The following AFF3 variants were observed in gnomAD, a reference collection of about 807,000 sequenced individuals.
AFF3 encodes ALF transcription elongation factor 3, also known as AF4/FMR2 family member 3.
AFF3 carries 32 observed loss-of-function variants against 129.7 expected under a neutral mutation model. The observed-to-expected ratio is 0.25, with a 90% CI of 0.19 to 0.33. The LOEUF (loss-of-function observed/expected upper bound fraction) is 0.33, where lower values mean the gene tolerates loss of function less well. AFF3 is among the 10% of genes least tolerant of loss of function. The pLI is 1.00. For missense variants in AFF3, 1,373 were observed against 1,592.0 expected (o/e 0.86, Z 2.34); for synonymous variants, 644 against 635.4 (o/e 1.01, Z -0.20).
chr2:100,003,336 T>C (rs1428415891), intron 7 of AFF3, among the ~76,000 whole-genome samples: 1 of 152,110 alleles, frequency 6.6e-6, no homozygotes, highest in Non-Finnish European at 1.5e-5. Context: ...GAACAAAAAA[T>C]AATTCACTTC....
intron 10 of AFF3, among the ~76,000 whole-genome samples, chr2:99,738,869 T>C (rs1263081038): frequency 6.6e-6 from 1 of 152,114 alleles, no homozygotes; most frequent in Non-Finnish European, 1.5e-5. Flanking sequence ...TTTAGGTGTA[T>C]AGAATTTTTG....
At chr2:99,896,699 G>A (rs900741214) in intron 7 of AFF3, among the ~76,000 whole-genome samples, 27 of 121,858 alleles carry the variant, frequency 2.2e-4, no homozygotes, top group Admixed American at 6.5e-4. Flanking sequence ...GCCGTGGCAC[G>A]ATCTCGGCTC....
chr2:100,106,455 ATCTG>A, intron 2 of AFF3: 1 of 1,023,822 alleles, frequency 9.8e-7, no homozygotes, highest in South Asian at 3.7e-5. Flanking sequence ...GAAAAAGAAA[ATCTG>A]TCTTTCTAAT....
chr2:99,973,689 G>GT (rs1201000717), intron 7 of AFF3, among the ~76,000 whole-genome samples: 8 of 149,790 alleles, frequency 5.3e-5, no homozygotes, highest in East Asian at 3.9e-4. Context: ...ACCATCTTCA[G>GT]TTTTTTTTTC....
In AFF3 at chr2:100,084,338, T is replaced by G. The variant is rs1573378447; in HGVS notation, c.53+20064A>C. 2.6e-5 allele frequency among the ~76,000 whole-genome samples: 4 copies of G among 152,360 alleles called. 1 individual carries two copies. Reference sequence around the variant, plus strand: ...ATATTAGCTCATTTAATCCTCACATTAATCCTTTGAGGTACGTATTATTCT... The same window carrying G: ...ATATTAGCTCATTTAATCCTCACATGAATCCTTTGAGGTACGTATTATTCT... On this transcript the variant is annotated intron_variant, in intron 4 of 24. Coordinates refer to ENST00000672756, the MANE Select transcript of AFF3 (RefSeq NM_001386135.1).
chr2:99,853,563 G>A (rs1030728521), intron 7 of AFF3, among the ~76,000 whole-genome samples: 1 of 152,118 alleles, frequency 6.6e-6, no homozygotes, highest in Non-Finnish European at 1.5e-5. Context: ...TAATTTTCCA[G>A]GCACTCTGCT....
chr2:99,930,318 C>A (rs1696584079), intron 7 of AFF3, among the ~76,000 whole-genome samples: 1 of 152,138 alleles, frequency 6.6e-6, no homozygotes, highest in Admixed American at 6.5e-5. Flanking sequence ...CCCTGAAATG[C>A]CTGCCTCATG....
intron 7 of AFF3, among the ~76,000 whole-genome samples, chr2:99,936,670 G>A (rs1441069328): frequency 6.6e-6 from 1 of 152,194 alleles, no homozygotes; most frequent in African/African-American, 2.4e-5. Flanking sequence ...GCAGGAGGGT[G>A]CATTCATTTT....
At position 99,565,585 on chromosome 2, in the gene AFF3, T is replaced by C. The variant is rs1356939844; in HGVS notation, c.3021A>G (p.Ala1007=). The change falls in exon 20 of 25, where the codon GCA becomes GCG. Residue 1007 remains alanine (A), a synonymous_variant. Coordinates refer to ENST00000672756, the MANE Select transcript of AFF3 (RefSeq NM_001386135.1). ...TTCCACACTCGATAAACGACAATGC[T>C]GCTTCAGCATAGTTCAAAGCCTTTC... is the stretch of plus-strand genomic sequence containing the variant. ...KFGKALNYAE[A]ALSFIECGNA... 9.9e-6 allele frequency: 16 copies of C among 1,614,254 alleles called. No individual in the cohort carries two copies. The highest frequency in any genetic ancestry group is 1.4e-5 in the Non-Finnish European group (16 of 1,180,044).
intron 7 of AFF3, among the ~76,000 whole-genome samples, chr2:99,924,756 G>A (rs1392364943): frequency 1.3e-5 from 2 of 152,086 alleles, no homozygotes; most frequent in Admixed American, 1.3e-4. Flanking sequence ...GACATCATGA[G>A]GTCAATCTAT....
At chr2:99,916,315 G>A (rs1196967187) in intron 7 of AFF3, among the ~76,000 whole-genome samples, 1 of 152,082 alleles carries the variant, frequency 6.6e-6, no homozygotes, top group Non-Finnish European at 1.5e-5. Context: ...ACCCTGTTTT[G>A]GTTTTTGCAC....
chr2:99,970,070 T>C (rs1678208420), intron 7 of AFF3, among the ~76,000 whole-genome samples: 1 of 152,144 alleles, frequency 6.6e-6, no homozygotes, highest in African/African-American at 2.4e-5. Context: ...GGTGATCTGC[T>C]CTGTGAGAGG....
At chr2:99,999,516 G>C (rs2104666357) in intron 7 of AFF3, among the ~76,000 whole-genome samples, 1 of 152,254 alleles carries the variant, frequency 6.6e-6, no homozygotes, top group Non-Finnish European at 1.5e-5. Context: ...CTGGTTTTGT[G>C]GAACTTATAA....
intron 2 of AFF3, among the ~76,000 whole-genome samples, chr2:100,126,761 T>C (rs1248950573): frequency 6.6e-6 from 1 of 152,218 alleles, no homozygotes; most frequent in African/African-American, 2.4e-5. Context: ...TAAAATGTAG[T>C]CAGTGGCCCC....
At chr2:99,701,290 T>G (rs1676836628) in intron 11 of AFF3, among the ~76,000 whole-genome samples, 1 of 151,238 alleles carries the variant, frequency 6.6e-6, no homozygotes, top group East Asian at 1.9e-4. Flanking sequence ...AGCAAGGGCC[T>G]CCTAATGCCC....
chr2:99,826,952 C>A (rs1375429178), intron 8 of AFF3, among the ~76,000 whole-genome samples: 2 of 151,924 alleles, frequency 1.3e-5, no homozygotes, highest in Non-Finnish European at 2.9e-5. Flanking sequence ...AGAAGTGGAC[C>A]CACCGGAGGG....
At chr2:99,780,146 A>C (rs546171138) in intron 8 of AFF3, among the ~76,000 whole-genome samples, 2 of 152,140 alleles carry the variant, frequency 1.3e-5, no homozygotes, top group Non-Finnish European at 2.9e-5. Flanking sequence ...ACCTCACAGC[A>C]GACTAGAGCA....
chr2:99,730,707 G>T (rs1679756288), intron 10 of AFF3, among the ~76,000 whole-genome samples: 1 of 151,814 alleles, frequency 6.6e-6, no homozygotes, highest in Non-Finnish European at 1.5e-5. Context: ...TAGAGACGAG[G>T]TTTCACCATA....
At chr2:99,825,235 G>T (rs1192368327) in intron 8 of AFF3, among the ~76,000 whole-genome samples, 1 of 152,126 alleles carries the variant, frequency 6.6e-6, no homozygotes, top group Non-Finnish European at 1.5e-5. Context: ...CTATAAAAAG[G>T]TAATTATGTC....
Sources: allele counts gnomAD v4.1 joint callset (sites outside exome capture counted in the v4.1 genomes callset), GRCh38; gene constraint gnomAD v4.1.1; transcripts MANE v1.5; gene names NCBI Gene and HGNC (gene_info 2026-07-23, HGNC 2026-07-21).